Variants in CYP46A1 observed in about 807,000 individuals in gnomAD.
CYP46A1 encodes cholesterol 24-hydroxylase.
Under a neutral mutation model 63.3 loss-of-function variants are expected in CYP46A1, and 20 were observed. The ratio of observed to expected loss-of-function variants is 0.32; its 90% CI spans 0.22 to 0.46. The LOEUF (loss-of-function observed/expected upper bound fraction) is 0.46. Ranked by LOEUF, CYP46A1 falls within the 20% of genes least tolerant of loss-of-function variation. CYP46A1 has a pLI of 1.00. For synonymous variants in CYP46A1, 268 were observed against 273.6 expected, an observed-to-expected ratio of 0.98 and a Z score of 0.20; for missense variants, 445 against 670.8, an observed-to-expected ratio of 0.66 and a Z score of 3.72.
intron 7 of CYP46A1, 46 bp downstream of exon 7, chr14:99,707,724 G>T (rs376542664): frequency 3.1e-5 from 48 of 1,539,164 alleles, no homozygotes; most frequent in Non-Finnish European, 4.1e-5. Flanking sequence ...CAGAGCTGTT[G>T]TCTTCATTTG....
At chr14:99,711,839 T>C (rs1248928072) in intron 7 of CYP46A1, 8 of 152,066 alleles carry the variant, frequency 5.3e-5, no homozygotes, top group Non-Finnish European at 4.4e-5. Flanking sequence ...AAAGAAAAAC[T>C]ACATGCCAAC....
In CYP46A1 at chr14:99,725,302, T is replaced by C; in HGVS notation, c.1177-89T>C. On this transcript the variant is annotated intron_variant, in intron 12 of 14. Coordinates refer to ENST00000261835, the MANE Select transcript of CYP46A1 (RefSeq NM_006668.2). This position sits in a 1 kb window ranked among gnomAD's most constrained non-coding sequence, Gnocchi z 4.2. ...GAGGAGAGTGGGACCCACTCTGCTC[T>C]GAGTAGCCCTGTTGGGTGGCCTCAG... 2 of 999,328 alleles carry C rather than the reference T, an allele frequency of 2.0e-6. No homozygotes were observed. The highest frequency in any genetic ancestry group is 3.2e-6 in the Non-Finnish European group (2 of 630,152). The allele number at this position is 999,328 out of a possible 1,614,324, so 61.9% of individuals were successfully genotyped here.
At position 99,718,135 on chromosome 14, in the gene CYP46A1, G is replaced by A. The variant is rs899327944; in HGVS notation, c.980+9G>A. 1 of 1,613,096 alleles carries A rather than the reference G, an allele frequency of 6.2e-7. No individual in the cohort carries two copies. The highest frequency in any genetic ancestry group is 1.7e-5 in the Admixed American group (1 of 59,962). On this transcript the variant is annotated intron_variant, in intron 10 of 14. Coordinates refer to ENST00000261835, the MANE Select transcript of CYP46A1 (RefSeq NM_006668.2). ...CCAGAGATCGTGGCAAGGTATGGGG[G>A]CTGCTCTTGGGGCTGGCAAAGAGGT...
At chr14:99,701,617 C>T (rs1268364075) in intron 5 of CYP46A1, among the ~76,000 whole-genome samples, 3 of 152,212 alleles carry the variant, frequency 2.0e-5, no homozygotes, top group African/African-American at 7.2e-5. Flanking sequence ...TTAAGTAACA[C>T]ATGACTGTAC....
At chr14:99,699,662 T>C in intron 4 of CYP46A1, 123 bp downstream of exon 4, 1 of 1,016,264 alleles carries the variant, frequency 9.8e-7, no homozygotes, top group African/African-American at 1.6e-5. Context: ...GCCAGGCATG[T>C]GATGAGTGCC....
intron 10 of CYP46A1, 117 bp downstream of exon 10, chr14:99,718,243 C>T (rs2056810756): frequency 3.7e-6 from 3 of 821,412 alleles, no homozygotes; most frequent in African/African-American, 1.7e-5. Flanking sequence ...TTCCCCTGGG[C>T]CTTGGCACAT....
At chr14:99,698,389 C>A (rs1197162857) in intron 3 of CYP46A1, among the ~76,000 whole-genome samples, 1 of 152,134 alleles carries the variant, frequency 6.6e-6, no homozygotes, top group Non-Finnish European at 1.5e-5. Context: ...ATGTGTGTAA[C>A]CTTGGGTCAG....
intron 9 of CYP46A1, chr14:99,717,842 C>T: frequency 5.7e-6 from 3 of 529,968 alleles, no homozygotes; most frequent in Non-Finnish European, 1.0e-5. Flanking sequence ...CATTCCTCTC[C>T]ACCTCCACTT....
At chr14:99,699,964 C>CGCGGGGGGGGGG in intron 4 of CYP46A1, 51 bp from the exon 5 acceptor site, 2 of 773,854 alleles carry the variant, frequency 2.6e-6, no homozygotes, top group Non-Finnish European at 4.2e-6. Flanking sequence ...ATCAAGCAGT[C>CGCGGGGGGGGGG]GCTCCCCACC....
intron 13 of CYP46A1, 145 bp from the exon 14 acceptor site, chr14:99,726,045 C>A: frequency 1.4e-6 from 1 of 693,076 alleles, no homozygotes; most frequent in East Asian, 2.7e-5. Flanking sequence ...GCAGAGTCAG[C>A]GGTTCATGCT....
chr14:99,699,442 T>C, intron 3 of CYP46A1, 24 bp from the exon 4 acceptor site: 1 of 1,611,138 alleles, frequency 6.2e-7, no homozygotes, highest in Non-Finnish European at 8.5e-7. Flanking sequence ...CATGAGCCTA[T>C]GTTGGTTTTT....
chr14:99,689,227 A>G (rs888975805), intron 1 of CYP46A1, among the ~76,000 whole-genome samples: 3 of 152,098 alleles, frequency 2.0e-5, no homozygotes, highest in Non-Finnish European at 4.4e-5. Context: ...CAAGCTCCTA[A>G]TTTCATCTGC....
intron 10 of CYP46A1, among the ~76,000 whole-genome samples, chr14:99,718,394 A>C (rs1047270632): frequency 6.6e-6 from 1 of 152,090 alleles, no homozygotes; most frequent in East Asian, 1.9e-4. Context: ...CTCCCGACTC[A>C]TGAGTGTGTT....
chr14:99,697,264 C>G (rs1476989593), intron 3 of CYP46A1, among the ~76,000 whole-genome samples: 1 of 152,098 alleles, frequency 6.6e-6, no homozygotes, highest in South Asian at 2.1e-4. Flanking sequence ...GTACTTTGTC[C>G]TGCTCTTTCT....
intron 3 of CYP46A1, among the ~76,000 whole-genome samples, chr14:99,692,176 G>A (rs1402927218): frequency 1.3e-5 from 2 of 152,162 alleles, no homozygotes; most frequent in Admixed American, 6.5e-5. Flanking sequence ...TGTGAGATGG[G>A]AATTATAACT....
chr14:99,725,592 C>A lies in CYP46A1; in HGVS notation c.1265+113C>A, dbSNP rs572432751. 290 of 738,264 alleles carry A rather than the reference C, an allele frequency of 3.9e-4. 2 individuals carry two copies. The Middle Eastern group carries it at 6.5e-3, about 17-fold the overall frequency. 45.7% of individuals were successfully genotyped at this position (738,264 alleles called of 1,614,324 possible). A position where few individuals can be genotyped will look rare whatever the true frequency, so the allele number is the denominator to read the frequency against. ...TCAGCCCACATAGCCTTCCAGATCCCTGTGAGGTGGTTGTGGAGGAAATCA... is the reference window on the plus strand; with the variant it reads ...TCAGCCCACATAGCCTTCCAGATCCATGTGAGGTGGTTGTGGAGGAAATCA... On this transcript the variant is annotated intron_variant, in intron 13 of 14. Transcript: ENST00000261835. The surrounding 1 kb of genome is among the most constrained non-coding windows in gnomAD (Gnocchi z 4.2).
At chr14:99,720,285 T>C (rs2056833896) in intron 10 of CYP46A1, among the ~76,000 whole-genome samples, 1 of 152,182 alleles carries the variant, frequency 6.6e-6, no homozygotes, top group South Asian at 2.1e-4. Flanking sequence ...ATGGTGATTC[T>C]ATTTTTAATT....
chr14:99,720,425 C>T (rs1433931288), intron 10 of CYP46A1, among the ~76,000 whole-genome samples: 1 of 150,808 alleles, frequency 6.6e-6, no homozygotes, highest in Non-Finnish European at 1.5e-5. Context: ...GGATGAGAAC[C>T]ATCCTAATGA....
intron 10 of CYP46A1, among the ~76,000 whole-genome samples, chr14:99,720,741 T>C (rs1187949367): frequency 6.6e-6 from 1 of 152,116 alleles, no homozygotes; most frequent in Non-Finnish European, 1.5e-5. Flanking sequence ...GCAACATAGT[T>C]CCCAGTGGTT....
Sources: allele counts gnomAD v4.1 joint callset (sites outside exome capture counted in the v4.1 genomes callset), GRCh38; gene constraint gnomAD v4.1.1; non-coding constraint Gnocchi (gnomAD v3.1); transcripts MANE v1.5; gene names NCBI Gene and HGNC (gene_info 2026-07-23, HGNC 2026-07-21).